Variants in SLIT2 observed in about 807,000 individuals in gnomAD.
The protein encoded by SLIT2 is slit guidance ligand 2, also known as slit homolog 2 protein.
A neutral mutation model predicts 185.7 loss-of-function variants in SLIT2; 41 were observed. The observed-to-expected ratio is 0.22, with a 90% CI of 0.17 to 0.29. SLIT2 has a LOEUF of 0.29. Among genes scored for constraint, SLIT2 ranks in the 10% least tolerant of loss-of-function variants. The probability of loss-of-function intolerance (pLI) is 1.00; values close to 1 mark genes in which losing one functional copy is unlikely to be tolerated. For synonymous variants in SLIT2, 693 were observed against 680.2 expected (o/e 1.02, Z -0.29); for missense variants, 1,571 against 1,909.0 (o/e 0.82, Z 3.30).
At chr4:20,399,605 TA>T (rs1036557915) in intron 4 of SLIT2, among the ~76,000 whole-genome samples, 2 of 151,850 alleles carry the variant, frequency 1.3e-5, no homozygotes, top group Admixed American at 6.6e-5. Flanking sequence ...CTTGAGTACC[TA>T]ATGCATATCA....
chr4:20,493,803 T>G (rs1360366951), intron 9 of SLIT2, among the ~76,000 whole-genome samples: 2 of 152,180 alleles, frequency 1.3e-5, no homozygotes, highest in Non-Finnish European at 2.9e-5. Context: ...AACTCAAGCA[T>G]AGAAGTCTTT....
At chr4:20,558,640 C>A (rs1042871996) in intron 26 of SLIT2, among the ~76,000 whole-genome samples, 3 of 151,964 alleles carry the variant, frequency 2.0e-5, no homozygotes, top group African/African-American at 7.3e-5. Flanking sequence ...TACATTCATA[C>A]CTACGTACAT....
chr4:20,616,246 A>T (rs1447303741), intron 34 of SLIT2: 1 of 152,196 alleles, frequency 6.6e-6, no homozygotes, highest in East Asian at 1.9e-4. Flanking sequence ...CGTTGCCAGG[A>T]GTGAGCTGAA....
intron 6 of SLIT2, 128 bp from the exon 7 acceptor site, chr4:20,486,072 T>A: frequency 1.5e-6 from 1 of 658,702 alleles, no homozygotes; most frequent in Admixed American, 2.7e-5. Flanking sequence ...TAGTGCATTC[T>A]CTATGTCATC....
chr4:20,540,111 C>G (rs1479067793), intron 19 of SLIT2, among the ~76,000 whole-genome samples: 1 of 151,830 alleles, frequency 6.6e-6, no homozygotes, highest in Non-Finnish European at 1.5e-5. Flanking sequence ...TGGCGAATCC[C>G]TGTGTTTACT....
intron 5 of SLIT2, among the ~76,000 whole-genome samples, chr4:20,471,616 G>C (rs1017155821): frequency 6.6e-6 from 1 of 152,208 alleles, no homozygotes; most frequent in Non-Finnish European, 1.5e-5. Flanking sequence ...CTGATGCACT[G>C]TAACAGGTTT....
chr4:20,590,505 G>A (rs1727437565), intron 30 of SLIT2, among the ~76,000 whole-genome samples: 1 of 152,150 alleles, frequency 6.6e-6, no homozygotes, highest in African/African-American at 2.4e-5. Context: ...GCTGCCCCAG[G>A]GAGTCCCAGG....
intron 4 of SLIT2, among the ~76,000 whole-genome samples, chr4:20,382,880 C>T (rs2109346277): frequency 6.6e-6 from 1 of 152,062 alleles, no homozygotes; most frequent in South Asian, 2.1e-4. Flanking sequence ...GGAGGATGTA[C>T]AAAACTGATT....
intron 7 of SLIT2, among the ~76,000 whole-genome samples, chr4:20,488,088 A>T (rs1717419208): frequency 6.6e-6 from 1 of 152,178 alleles, no homozygotes; most frequent in Non-Finnish European, 1.5e-5. Context: ...CTGATATTTT[A>T]TTAATGGAGA....
chr4:20,321,865 TGAAGG>T (rs35501484), intron 4 of SLIT2, among the ~76,000 whole-genome samples: 2,204 of 152,288 alleles, frequency 0.014, 40 homozygotes, highest in Admixed American at 0.054. Flanking sequence ...TTGATCCATC[TGAAGG>T]GACAGTGGTT....
chr4:20,300,704 G>A (rs1401154878), intron 4 of SLIT2, among the ~76,000 whole-genome samples: 3 of 151,916 alleles, frequency 2.0e-5, no homozygotes, highest in Non-Finnish European at 4.4e-5. Context: ...AAATTATATT[G>A]TGTGTTAAAT....
intron 4 of SLIT2, among the ~76,000 whole-genome samples, chr4:20,422,775 C>G (rs1728260482): frequency 6.6e-6 from 1 of 151,956 alleles, no homozygotes; most frequent in Admixed American, 6.6e-5. Context: ...GATTTTTGAG[C>G]AGCAGAAAGG....
At chr4:20,259,267 C>G (rs1415146187) in intron 3 of SLIT2, among the ~76,000 whole-genome samples, 1 of 151,620 alleles carries the variant, frequency 6.6e-6, no homozygotes, top group African/African-American at 2.4e-5. Context: ...CTTTGATCTC[C>G]TTGATAGACT....
intron 5 of SLIT2, among the ~76,000 whole-genome samples, chr4:20,474,932 T>C (rs924565004): frequency 1.3e-5 from 2 of 151,878 alleles, no homozygotes; most frequent in African/African-American, 4.8e-5. Flanking sequence ...GCCAGTTCTA[T>C]AGTGTCTATA....
intron 18 of SLIT2, among the ~76,000 whole-genome samples, chr4:20,538,159 A>T (rs1249764159): frequency 5.9e-5 from 9 of 152,044 alleles, no homozygotes; most frequent in Non-Finnish European, 7.4e-5. Context: ...ACCAGGTTTC[A>T]CTGTGTTAGC....
At chr4:20,491,709 C>A in intron 8 of SLIT2, 52 bp from the exon 9 acceptor site, 1 of 1,526,960 alleles carries the variant, frequency 6.5e-7, no homozygotes, top group East Asian at 2.3e-5. Context: ...GTCTGTTTCA[C>A]AATTATGATA....
chr4:20,371,547 A>G (rs1723576889), intron 4 of SLIT2, among the ~76,000 whole-genome samples: 2 of 152,046 alleles, frequency 1.3e-5, no homozygotes, highest in South Asian at 4.1e-4. Flanking sequence ...TCTTTTCTTC[A>G]ACAGTTGCTA....
chr4:20,553,747 G>A (rs1723988862), intron 25 of SLIT2, 58 bp from the exon 26 acceptor site: 2 of 1,320,566 alleles, frequency 1.5e-6, no homozygotes, highest in Non-Finnish European at 2.0e-6. Flanking sequence ...GTGTGTGTGT[G>A]TGTGTGTGTA....
At chr4:20,551,431 T>G (rs1301383377) in intron 25 of SLIT2, among the ~76,000 whole-genome samples, 5 of 152,212 alleles carry the variant, frequency 3.3e-5, no homozygotes, top group African/African-American at 1.2e-4. Context: ...CTTTATGTTT[T>G]CTCTGATCAC....
Sources: allele counts gnomAD v4.1 joint callset (sites outside exome capture counted in the v4.1 genomes callset), GRCh38; gene constraint gnomAD v4.1.1; transcripts MANE v1.5; gene names NCBI Gene and HGNC (gene_info 2026-07-23, HGNC 2026-07-21).